The following PSMB7 variants were observed in gnomAD, a reference collection of about 807,000 sequenced individuals.
The protein encoded by PSMB7 is proteasome 20S subunit beta 7.
PSMB7 carries 5 observed loss-of-function variants against 28.1 expected under a neutral mutation model. The ratio of observed to expected loss-of-function variants is 0.18; its 90% CI spans 0.09 to 0.37. PSMB7 has a LOEUF of 0.37. Ranked by LOEUF, PSMB7 falls within the 10% of genes least tolerant of loss-of-function variation. The pLI, the probability that PSMB7 is intolerant of heterozygous loss-of-function variation, is 1.00. For missense variants in PSMB7, 275 were observed against 346.2 expected, an observed-to-expected ratio of 0.79 and a Z score of 1.63; for synonymous variants, 122 against 123.7, an observed-to-expected ratio of 0.99 and a Z score of 0.09.
intron 5 of PSMB7, among the ~76,000 whole-genome samples, chr9:124,404,791 TG>T (rs752395712): frequency 1.3e-5 from 2 of 152,016 alleles, no homozygotes; most frequent in Non-Finnish European, 2.9e-5. Context: ...AGACAGAGGT[TG>T]CAGTGAGCCG....
At position 124,369,802 on chromosome 9, in the gene PSMB7, A is replaced by G. The variant is rs192421898; in HGVS notation, c.571-12887T>C. Reference sequence around the variant, plus strand: ...TCCTCACACCCCAAGACCAAAAACAATTCATGTGAGGAGTCACATGCAATT... The same window carrying G: ...TCCTCACACCCCAAGACCAAAAACAGTTCATGTGAGGAGTCACATGCAATT... On this transcript the variant is annotated intron_variant, in intron 6 of 7. Transcript: ENST00000259457. 1.3e-3 allele frequency among the ~76,000 whole-genome samples: 200 copies of G among 152,076 alleles called. 1 individual carries two copies. Among genetic ancestry groups the G allele is most frequent in the African/African-American group, 4.6e-3 (192 of 41,454 alleles).
chr9:124,387,096 A>G (rs1830730328), intron 5 of PSMB7, among the ~76,000 whole-genome samples: 1 of 152,062 alleles, frequency 6.6e-6, no homozygotes, highest in African/African-American at 2.4e-5. Flanking sequence ...AATACAAAAC[A>G]TTAGCCGAGC....
intron 5 of PSMB7, among the ~76,000 whole-genome samples, chr9:124,398,078 A>G (rs1830859578): frequency 6.6e-6 from 1 of 152,060 alleles, no homozygotes; most frequent in Admixed American, 6.6e-5. Flanking sequence ...TGGGAGGCGG[A>G]GGCAGGATCA....
Position 124,414,900 on chromosome 9 carries a change from C to T in PSMB7, c.98G>A (p.Gly33Glu), listed in dbSNP as rs1354530076. 1 of 1,612,966 alleles carries T rather than the reference C, an allele frequency of 6.2e-7. No individual in the cohort carries two copies. The highest frequency in any genetic ancestry group is 8.5e-7 in the Non-Finnish European group (1 of 1,179,602). ...TTTCCGGACCTTTGGAAGCTTGTAT[C>T]CCCTCTTTGCAAAATCGGCTTCCAA... ...AVLEADFAKR[G>E]YKLPKVRKTG... Residue 33 changes from glycine to glutamate, a missense_variant, in exon 2 of 8, where the codon GGA (glycine) becomes GAA (glutamate). By Grantham distance (98) the Gly-to-Glu change is moderately conservative. Transcript: ENST00000259457.
At chr9:124,412,555 TG>T in intron 3 of PSMB7, 63 bp from the exon 4 acceptor site, 1 of 1,565,664 alleles carries the variant, frequency 6.4e-7, no homozygotes, top group Non-Finnish European at 8.8e-7. Flanking sequence ...TTAGAAGTAA[TG>T]GGTTCTTGGA....
chr9:124,411,526 AAGG>A (rs1564687879), intron 4 of PSMB7, among the ~76,000 whole-genome samples: 2 of 152,200 alleles, frequency 1.3e-5, no homozygotes, highest in Admixed American at 6.5e-5. Flanking sequence ...CAAGTCCCAA[AAGG>A]AGAAGCCAGT....
chr9:124,369,791 G>C (rs1323378668), intron 6 of PSMB7, among the ~76,000 whole-genome samples: 2 of 152,010 alleles, frequency 1.3e-5, no homozygotes, highest in African/African-American at 4.8e-5. Context: ...CACACCCCAA[G>C]ACCAAAAACA....
intron 5 of PSMB7, among the ~76,000 whole-genome samples, chr9:124,399,913 C>T (rs1485401523): frequency 2.0e-5 from 3 of 152,204 alleles, no homozygotes; most frequent in Non-Finnish European, 4.4e-5. Flanking sequence ...ACAAGCGAAC[C>T]TAATCCTCTC....
chr9:124,390,602 A>G (rs1027421479), intron 5 of PSMB7, among the ~76,000 whole-genome samples: 2 of 152,214 alleles, frequency 1.3e-5, no homozygotes, highest in Admixed American at 1.3e-4. Flanking sequence ...AGCAAAATTA[A>G]CAGACATGCT....
chr9:124,415,439 C>T lies in PSMB7; in HGVS notation c.-14G>A. 6.2e-7 allele frequency: 1 copy of T among 1,613,874 alleles called. No individual in the cohort carries two copies. The highest frequency in any genetic ancestry group is 8.5e-7 in the Non-Finnish European group (1 of 1,179,854). ...CACAGCCGCCATCTTCCCAAGAAAG[C>T]AGTTCCGGGTCGGAGGCGGGTGCAA... On this transcript the variant is annotated 5_prime_UTR_variant, in exon 1 of 8. Transcript: ENST00000259457.
At chr9:124,363,071 T>A (rs1041429634) in intron 6 of PSMB7, among the ~76,000 whole-genome samples, 19 of 152,230 alleles carry the variant, frequency 1.2e-4, no homozygotes, top group Admixed American at 1.0e-3. Context: ...CATCTTTGTA[T>A]CCCAGGGAAC....
At chr9:124,403,528 A>C (rs893464271) in intron 5 of PSMB7, among the ~76,000 whole-genome samples, 1 of 152,168 alleles carries the variant, frequency 6.6e-6, no homozygotes, top group African/African-American at 2.4e-5. Flanking sequence ...CCTGTCAAAA[A>C]ATCTCCTAAT....
chr9:124,357,970 C>A (rs536631143), intron 6 of PSMB7, among the ~76,000 whole-genome samples: 1 of 152,332 alleles, frequency 6.6e-6, no homozygotes, highest in African/African-American at 2.4e-5. Context: ...GGCAGTGGTA[C>A]TGGACCTGGG....
intron 4 of PSMB7, among the ~76,000 whole-genome samples, chr9:124,408,452 T>C (rs764424076): frequency 7.2e-5 from 11 of 152,156 alleles, no homozygotes; most frequent in Non-Finnish European, 1.3e-4. Flanking sequence ...TAAAAATTGG[T>C]TAAGTTGTAA....
chr9:124,365,243 G>A (rs928924899), intron 6 of PSMB7, among the ~76,000 whole-genome samples: 10 of 152,190 alleles, frequency 6.6e-5, no homozygotes, highest in Admixed American at 6.5e-4. Context: ...GGGAAACAAG[G>A]AGATAATCTC....
chr9:124,367,466 G>C (rs1313358874), intron 6 of PSMB7, among the ~76,000 whole-genome samples: 1 of 151,970 alleles, frequency 6.6e-6, no homozygotes, highest in African/African-American at 2.4e-5. Flanking sequence ...CACAGCATTC[G>C]GATAAACTCT....
intron 6 of PSMB7, among the ~76,000 whole-genome samples, chr9:124,361,258 T>C (rs1253435677): frequency 2.0e-5 from 3 of 152,228 alleles, no homozygotes; most frequent in Non-Finnish European, 4.4e-5. Context: ...AGCAGCACTT[T>C]ATAGAGCTAT....
chr9:124,379,579 G>A (rs749162112), intron 6 of PSMB7, among the ~76,000 whole-genome samples: 6 of 152,234 alleles, frequency 3.9e-5, no homozygotes, highest in Non-Finnish European at 5.9e-5. Context: ...ACTTTTACTT[G>A]AGGCAAGTCA....
intron 6 of PSMB7, among the ~76,000 whole-genome samples, chr9:124,382,798 T>C (rs1207494165): frequency 6.6e-6 from 1 of 152,208 alleles, no homozygotes; most frequent in Admixed American, 6.5e-5. Context: ...TCACAGCCTT[T>C]GAACCATTTC....
Sources: gnomAD v4.1 joint callset for allele counts (sites outside exome capture counted in the v4.1 genomes callset) on GRCh38, gnomAD v4.1.1 for gene constraint, MANE v1.5 for transcripts, NCBI Gene and HGNC (gene_info 2026-07-23, HGNC 2026-07-21) for gene names.